The following SARNP variants were observed in gnomAD, a reference collection of about 807,000 sequenced individuals.
The protein encoded by SARNP is SAP domain-containing ribonucleoprotein.
A neutral mutation model predicts 38.1 loss-of-function variants in SARNP; 5 were observed. The ratio of observed to expected loss-of-function variants is 0.13; its 90% CI spans 0.07 to 0.28. The LOEUF is 0.28. Among genes scored for constraint, SARNP ranks in the 10% least tolerant of loss-of-function variants. The pLI is 1.00. For synonymous variants in SARNP, 84 were observed against 80.6 expected (o/e 1.04, Z -0.23); for missense variants, 180 against 243.9 (o/e 0.74, Z 1.75).
chr12:55,757,613 T>A, intron 10 of SARNP, 60 bp from the exon 11 acceptor site: 4 of 1,404,658 alleles, frequency 2.8e-6, no homozygotes, highest in South Asian at 1.3e-5. Flanking sequence ...CCTGGGTTCC[T>A]GGCTGCTTTA....
At chr12:55,793,424 CAGTCGTCCCT>C in intron 7 of SARNP, 1 of 152,164 alleles carries the variant, frequency 6.6e-6, no homozygotes. Context: ...ATTTAGAATA[CAGTCGTCCCT>C]CCATTTCCTC....
intron 7 of SARNP, among the ~76,000 whole-genome samples, chr12:55,791,509 A>G (rs947830244): frequency 2.0e-5 from 3 of 152,154 alleles, no homozygotes; most frequent in Non-Finnish European, 1.5e-5. Context: ...AGCCTGACCA[A>G]TATGGTGAAA....
intron 7 of SARNP, among the ~76,000 whole-genome samples, chr12:55,792,210 T>TTTTAGCAACTA: frequency 1.3e-5 from 2 of 152,188 alleles, no homozygotes; most frequent in Admixed American, 6.5e-5. Flanking sequence ...CACTTAGTGA[T>TTTTAGCAACTA]AGCGGCCAGA....
rs77518051 is a variant in SARNP at position 55,776,556 on chromosome 12, T to A, written c.501+12519A>T. ...TACAATACTGCTTCATTTGTATTAT[T>A]TTTTATTGTTGTATTTTTCCCCCCA... On this transcript the variant is annotated intron_variant, in intron 9 of 10. Transcript: ENST00000336133. 3.1e-3 allele frequency among the ~76,000 whole-genome samples: 479 copies of A among 152,326 alleles called. 1 individual carries two copies. The highest frequency in any genetic ancestry group is 0.011 in the African/African-American group (442 of 41,568).
At chr12:55,758,912 T>C (rs1016120644) in intron 10 of SARNP, among the ~76,000 whole-genome samples, 3 of 151,286 alleles carry the variant, frequency 2.0e-5, no homozygotes, top group African/African-American at 7.3e-5. Flanking sequence ...ATACTTTTTT[T>C]TTTTTTTTTT....
At position 55,809,234 on chromosome 12, in the gene SARNP, ATAC is replaced by A. The variant is rs568595208; in HGVS notation, c.37-5509_37-5507del. Among the ~76,000 whole-genome samples, 19 of 151,498 alleles carry A rather than the reference ATAC, an allele frequency of 1.3e-4. No individual in the cohort carries two copies. The South Asian group carries it at 4.0e-3, about 32-fold the overall frequency. On this transcript the variant is annotated intron_variant, in intron 1 of 10. Coordinates refer to ENST00000336133, the MANE Select transcript of SARNP (RefSeq NM_033082.4). ...ACAAACAAAAAATATTTTAACAAGTATACTGAATGAATTGTATGGTACGTGAAT... is the reference window on the plus strand; with the variant it reads ...ACAAACAAAAAATATTTTAACAAGTATGAATGAATTGTATGGTACGTGAAT...
intron 7 of SARNP, chr12:55,793,530 A>G (rs1879734257): frequency 6.6e-6 from 1 of 151,672 alleles, no homozygotes; most frequent in African/African-American, 2.4e-5. Context: ...CTGCTCCTCC[A>G]TATCTGCAGG....
chr12:55,795,554 G>A (rs1279299279), intron 5 of SARNP, among the ~76,000 whole-genome samples: 1 of 152,124 alleles, frequency 6.6e-6, no homozygotes, highest in Admixed American at 6.5e-5. Context: ...TTAGAAATGA[G>A]GCAGCATTGT....
intron 9 of SARNP, among the ~76,000 whole-genome samples, chr12:55,774,460 C>G (rs994229481): frequency 6.7e-6 from 1 of 150,172 alleles, no homozygotes; most frequent in Non-Finnish European, 1.5e-5. Flanking sequence ...TGGCTCATGC[C>G]TGTAATCCCA....
chr12:55,812,965 G>C (rs1368136072), intron 1 of SARNP, among the ~76,000 whole-genome samples: 1 of 147,120 alleles, frequency 6.8e-6, no homozygotes. Context: ...TTTTTTTTTT[G>C]AGACGGAGTC....
chr12:55,775,578 AAG>A (rs1879158936), intron 9 of SARNP, among the ~76,000 whole-genome samples: 1 of 151,922 alleles, frequency 6.6e-6, no homozygotes, highest in Non-Finnish European at 1.5e-5. Flanking sequence ...CTATGAAAAA[AAG>A]AGTAGCAAAG....
downstream of SARNP, chr12:55,754,936 A>T (rs1474688338): frequency 6.6e-6 from 1 of 152,222 alleles, no homozygotes; most frequent in East Asian, 1.9e-4. Flanking sequence ...TAGAAACCTA[A>T]ATACAGGAAT....
chr12:55,780,075 G>A (rs546481254), intron 9 of SARNP, among the ~76,000 whole-genome samples: 56 of 152,172 alleles, frequency 3.7e-4, no homozygotes, highest in Non-Finnish European at 6.5e-4. Context: ...TTAAACCCGG[G>A]AGGTGGAGGC....
At chr12:55,775,023 AT>A (rs1879134408) in intron 9 of SARNP, among the ~76,000 whole-genome samples, 1 of 150,204 alleles carries the variant, frequency 6.7e-6, no homozygotes, top group Admixed American at 6.7e-5. Flanking sequence ...AATAGCTGGG[AT>A]TACAAGTGTG....
intron 9 of SARNP, among the ~76,000 whole-genome samples, chr12:55,784,201 A>C (rs1036809189): frequency 6.6e-6 from 1 of 152,222 alleles, no homozygotes; most frequent in African/African-American, 2.4e-5. Context: ...AACTGAATAA[A>C]ATCTGTGCCT....
rs890171439 is a variant in SARNP, at chr12:55,803,110, G to A, written c.136+519C>T. Among the ~76,000 whole-genome samples, 3 of 152,150 alleles carry A rather than the reference G, an allele frequency of 2.0e-5. 1 individual carries two copies. In the East Asian group the frequency reaches 5.8e-4, roughly 29 times the overall value. On this transcript the variant is annotated intron_variant, in intron 2 of 10. Coordinates refer to ENST00000336133, the MANE Select transcript of SARNP (RefSeq NM_033082.4). ...AACGGGTGCCTAAATGGGTTGGGGAGAAAGTGAAATGAGGAATAGAAATAA... is the reference window on the plus strand; with the variant it reads ...AACGGGTGCCTAAATGGGTTGGGGAAAAAGTGAAATGAGGAATAGAAATAA...
At chr12:55,767,553 A>T (rs749261125) in intron 9 of SARNP, among the ~76,000 whole-genome samples, 25 of 151,950 alleles carry the variant, frequency 1.6e-4, no homozygotes, top group Non-Finnish European at 3.5e-4. Context: ...TGTCTCAAAA[A>T]TATACAAATA....
chr12:55,797,140 A>C (rs1027381195), intron 4 of SARNP, among the ~76,000 whole-genome samples: 2 of 152,208 alleles, frequency 1.3e-5, no homozygotes, highest in African/African-American at 4.8e-5. Flanking sequence ...AATATCCTGA[A>C]CACTTTTCCC....
At chr12:55,808,392 C>T (rs1592582686) in intron 1 of SARNP, among the ~76,000 whole-genome samples, 1 of 151,968 alleles carries the variant, frequency 6.6e-6, no homozygotes, top group South Asian at 2.1e-4. Context: ...GATCTTGGCT[C>T]ACCGCAACCT....
Sources: gnomAD v4.1 joint callset for allele counts (sites outside exome capture counted in the v4.1 genomes callset) on GRCh38, gnomAD v4.1.1 for gene constraint, MANE v1.5 for transcripts, NCBI Gene and HGNC (gene_info 2026-07-23, HGNC 2026-07-21) for gene names.